Variants in NEGR1 observed in about 807,000 individuals in gnomAD.
NEGR1 encodes the protein neuronal growth regulator 1.
In NEGR1, 10 loss-of-function variants were observed where a neutral mutation model predicts 40.9. That is an observed-to-expected ratio of 0.24 (90% CI 0.15 to 0.42). The LOEUF (loss-of-function observed/expected upper bound fraction) is 0.42. Ranked by LOEUF, NEGR1 falls within the 10% of genes least tolerant of loss-of-function variation. The pLI, the probability that NEGR1 is intolerant of heterozygous loss-of-function variation, is 1.00. For missense variants in NEGR1, 352 were observed against 438.9 expected, an observed-to-expected ratio of 0.80 and a Z score of 1.77; for synonymous variants, 185 against 166.8, an observed-to-expected ratio of 1.11 and a Z score of -0.84.
chr1:71,919,134 C>T (rs1661685192), intron 2 of NEGR1, among the ~76,000 whole-genome samples: 1 of 152,202 alleles, frequency 6.6e-6, no homozygotes, highest in South Asian at 2.1e-4. Context: ...TCTCAGCTCT[C>T]ACTCAAAGGT....
intron 2 of NEGR1, among the ~76,000 whole-genome samples, chr1:71,788,103 T>A (rs1019001432): frequency 6.6e-6 from 1 of 152,120 alleles, no homozygotes. Flanking sequence ...AAAATAATTA[T>A]CATCTATATT....
chr1:71,691,687 T>C (rs1426063838), intron 4 of NEGR1, among the ~76,000 whole-genome samples: 1 of 151,772 alleles, frequency 6.6e-6, no homozygotes, highest in Non-Finnish European at 1.5e-5. Flanking sequence ...AGTATGCCTA[T>C]GGAAATTCAC....
At chr1:71,499,561 A>G (rs1400430622) in intron 6 of NEGR1, among the ~76,000 whole-genome samples, 1 of 150,070 alleles carries the variant, frequency 6.7e-6, no homozygotes, top group African/African-American at 2.4e-5. Flanking sequence ...GAATTATTAT[A>G]GGCACTCAAA....
At chr1:71,472,489 G>A (rs1646788957) in intron 6 of NEGR1, 1 of 152,042 alleles carries the variant, frequency 6.6e-6, no homozygotes, top group Admixed American at 6.6e-5. Flanking sequence ...GTCTCATAAA[G>A]ACATATTGAT....
intron 6 of NEGR1, among the ~76,000 whole-genome samples, chr1:71,414,729 T>TC (rs1403969219): frequency 6.6e-6 from 1 of 152,100 alleles, no homozygotes; most frequent in East Asian, 1.9e-4. Context: ...AGTCTTTTTC[T>TC]CCCCCTCGAC....
At chr1:71,423,279 T>C (rs963813598) in intron 6 of NEGR1, among the ~76,000 whole-genome samples, 5 of 152,076 alleles carry the variant, frequency 3.3e-5, no homozygotes, top group African/African-American at 1.2e-4. Flanking sequence ...CCTATCATAG[T>C]AGCTACTTAA....
chr1:72,066,082 A>G (rs767811595), intron 1 of NEGR1, among the ~76,000 whole-genome samples: 5 of 152,164 alleles, frequency 3.3e-5, no homozygotes, highest in African/African-American at 4.8e-5. Context: ...CTCAATAATA[A>G]AAGTAGTTAA....
chr1:71,731,968 C>G (rs1385520272), intron 3 of NEGR1, among the ~76,000 whole-genome samples: 34 of 152,062 alleles, frequency 2.2e-4, no homozygotes, highest in Admixed American at 2.2e-3. Flanking sequence ...CTAATTGACT[C>G]AAATTGAAGC....
chr1:71,855,322 A>T (rs1258309513), intron 2 of NEGR1, among the ~76,000 whole-genome samples: 1 of 152,010 alleles, frequency 6.6e-6, no homozygotes, highest in Non-Finnish European at 1.5e-5. Context: ...CACCAGTGAG[A>T]TTATTTGGAA....
chr1:71,958,096 A>C (rs1646133671), intron 1 of NEGR1, among the ~76,000 whole-genome samples: 1 of 152,182 alleles, frequency 6.6e-6, no homozygotes, highest in Non-Finnish European at 1.5e-5. Context: ...AAGTATGTGC[A>C]ATTTGTGTAG....
At chr1:72,282,254 G>C (rs1656284041) in intron 1 of NEGR1, 65 bp downstream of exon 1, 2 of 1,572,256 alleles carry the variant, frequency 1.3e-6, no homozygotes, top group Middle Eastern at 1.7e-4. Context: ...AGAAGGCAAA[G>C]AGGGTTCAAA....
chr1:71,527,131 A>T (rs1312593252), intron 6 of NEGR1, among the ~76,000 whole-genome samples: 1 of 151,508 alleles, frequency 6.6e-6, no homozygotes, highest in Non-Finnish European at 1.5e-5. Context: ...TATTACATAA[A>T]TCTGTTTTGT....
At chr1:71,688,393 A>AAGATATATATAAAAG (rs58551950) in intron 4 of NEGR1, among the ~76,000 whole-genome samples, 13 of 32,116 alleles carry the variant, frequency 4.0e-4, no homozygotes, top group African/African-American at 7.1e-4. Flanking sequence ...AGATATATAA[A>AAGATATATATAAAAG]ATATATATAT....
At chr1:71,596,287 G>A (rs971303537) in intron 5 of NEGR1, among the ~76,000 whole-genome samples, 6 of 152,106 alleles carry the variant, frequency 3.9e-5, no homozygotes, top group Non-Finnish European at 5.9e-5. Flanking sequence ...CATAACTCTC[G>A]CTCCTCTTCT....
chr1:71,415,985 G>A (rs968938488), intron 6 of NEGR1, among the ~76,000 whole-genome samples: 1 of 151,996 alleles, frequency 6.6e-6, no homozygotes, highest in Non-Finnish European at 1.5e-5. Flanking sequence ...CACAAAATAC[G>A]ATACACATTG....
chr1:71,445,168 A>G (rs1646572545), intron 6 of NEGR1, among the ~76,000 whole-genome samples: 1 of 152,200 alleles, frequency 6.6e-6, no homozygotes, highest in South Asian at 2.1e-4. Flanking sequence ...CAAGGGTTCT[A>G]GCAGCCTGCT....
intron 1 of NEGR1, among the ~76,000 whole-genome samples, chr1:72,041,017 C>T (rs569082648): frequency 8.6e-5 from 13 of 151,982 alleles, no homozygotes; most frequent in African/African-American, 3.1e-4. Flanking sequence ...TAACCAATGT[C>T]AATAGTTCTT....
chr1:71,504,531 G>GA (rs955077694), intron 6 of NEGR1, among the ~76,000 whole-genome samples: 2 of 151,780 alleles, frequency 1.3e-5, no homozygotes, highest in South Asian at 4.2e-4. Flanking sequence ...ATGGAAATAA[G>GA]AAAAAAAAGG....
At chr1:71,558,722 C>A (rs376721302) in intron 6 of NEGR1, among the ~76,000 whole-genome samples, 1 of 134,314 alleles carries the variant, frequency 7.4e-6, no homozygotes, top group African/African-American at 2.8e-5. Context: ...TCTTTTCTTT[C>A]TTTTTTTTTT....
Sources: allele counts gnomAD v4.1 joint callset (sites outside exome capture counted in the v4.1 genomes callset), GRCh38; gene constraint gnomAD v4.1.1; transcripts MANE v1.5; gene names NCBI Gene and HGNC (gene_info 2026-07-23, HGNC 2026-07-21).